The following PSMG2 variants were observed in gnomAD, a reference collection of about 807,000 sequenced individuals.
PSMG2 encodes CD40 ligand-activated specific transcript 3.
PSMG2 carries 21 observed loss-of-function variants against 31.5 expected under a neutral mutation model. That is an observed-to-expected ratio of 0.67 (90% CI 0.47 to 0.96). The LOEUF (loss-of-function observed/expected upper bound fraction) is 0.96. Among genes scored for constraint, PSMG2 ranks in the 40% least tolerant of loss-of-function variants. The probability of loss-of-function intolerance (pLI) is 0.00; values close to 1 mark genes in which losing one functional copy is unlikely to be tolerated. For missense variants in PSMG2, 318 were observed against 321.2 expected (o/e 0.99, Z 0.08); for synonymous variants, 120 against 110.4 (o/e 1.09, Z -0.54).
chr18:12,706,679 ACCAC>A lies in PSMG2; in HGVS notation c.188_191del (p.Thr63LysfsTer10). The A allele has an allele frequency of 6.2e-7, 1 of 1,611,304 alleles. No individual in the cohort carries two copies. Among genetic ancestry groups the A allele is most frequent in the Non-Finnish European group, 8.5e-7 (1 of 1,177,968 alleles). ...AATGGTTGGAAACAATCCATATGCG[ACCAC>A]AGAAGGAAATTCAACAGAACTTAGC... On this transcript the variant is annotated frameshift_variant, in exon 2 of 7. Transcript: ENST00000317615. LOFTEE classifies it high-confidence loss of function.
upstream of PSMG2, chr18:12,702,774 C>CA: frequency 1.7e-6 from 1 of 582,986 alleles, no homozygotes; most frequent in Non-Finnish European, 3.0e-6. Flanking sequence ...GGCGGACAAA[C>CA]AGGGCTTGGG....
upstream of PSMG2, chr18:12,700,884 G>A (rs756870456): frequency 2.0e-5 from 25 of 1,261,318 alleles, no homozygotes; most frequent in African/African-American, 3.0e-5. Context: ...GCCCCACATC[G>A]GAACCTTATA....
At chr18:12,685,571 A>C (rs534985304) in intron 1 of PSMG2, 1 of 152,238 alleles carries the variant, frequency 6.6e-6, no homozygotes, top group South Asian at 2.1e-4. Flanking sequence ...TAGCACCCCA[A>C]AGCGGTTAGT....
intron 1 of PSMG2, among the ~76,000 whole-genome samples, chr18:12,664,460 G>A (rs2038762903): frequency 6.6e-6 from 1 of 151,908 alleles, no homozygotes; most frequent in African/African-American, 2.4e-5. Flanking sequence ...TGAGGCAGGA[G>A]AATTGCTTGA....
intron 1 of PSMG2, chr18:12,678,150 T>C: frequency 6.2e-7 from 1 of 1,613,888 alleles, no homozygotes. Flanking sequence ...TGCATTTCAA[T>C]TTCATTACTT....
chr18:12,710,043 C>T (rs1044936117), intron 2 of PSMG2, among the ~76,000 whole-genome samples: 11 of 151,124 alleles, frequency 7.3e-5, no homozygotes, highest in South Asian at 2.1e-4. Flanking sequence ...CCCGGGTTCA[C>T]GCCATTCTTC....
At chr18:12,672,744 A>AC in intron 1 of PSMG2, 4 of 974,088 alleles carry the variant, frequency 4.1e-6, no homozygotes, top group Non-Finnish European at 4.9e-6. Flanking sequence ...TTTCTAAATG[A>AC]TTCATGTACT....
At chr18:12,665,660 T>C (rs1424889863) in intron 1 of PSMG2, among the ~76,000 whole-genome samples, 1 of 152,190 alleles carries the variant, frequency 6.6e-6, no homozygotes, top group Non-Finnish European at 1.5e-5. Flanking sequence ...TTAACCTAAA[T>C]TTATAAGAGA....
At chr18:12,661,331 T>A in intron 1 of PSMG2, 1 of 982,062 alleles carries the variant, frequency 1.0e-6, no homozygotes, top group Non-Finnish European at 1.2e-6. Flanking sequence ...AAAAAATTGA[T>A]AAGCCTTACC....
At chr18:12,668,004 C>A (rs1173349814) in intron 1 of PSMG2, among the ~76,000 whole-genome samples, 1 of 151,958 alleles carries the variant, frequency 6.6e-6, no homozygotes, top group Admixed American at 6.6e-5. Context: ...GTGGCTCACG[C>A]CTGTAATCCC....
upstream of PSMG2, chr18:12,699,311 C>CT (rs1338117273): frequency 2.7e-6 from 2 of 739,622 alleles, no homozygotes; most frequent in Admixed American, 2.9e-5. Flanking sequence ...ATACCAAAGA[C>CT]TAAAAAAAAA....
intron 1 of PSMG2, chr18:12,684,513 T>C (rs1244901691): frequency 6.6e-6 from 1 of 150,850 alleles, no homozygotes; most frequent in Non-Finnish European, 1.5e-5. Context: ...GGAGTTTTGC[T>C]CTTATTGCCC....
intron 1 of PSMG2, among the ~76,000 whole-genome samples, chr18:12,674,011 G>A: frequency 6.6e-6 from 1 of 152,132 alleles, no homozygotes; most frequent in East Asian, 1.9e-4. Context: ...ACCTGAGACT[G>A]CACCAAAATC....
chr18:12,695,715 T>A (rs2039930728), intron 1 of PSMG2, among the ~76,000 whole-genome samples: 1 of 152,092 alleles, frequency 6.6e-6, no homozygotes, highest in African/African-American at 2.4e-5. Context: ...ACACCTGGCT[T>A]TTCTAACAGG....
chr18:12,697,788 C>T (rs1167626224), intron 1 of PSMG2, among the ~76,000 whole-genome samples: 1 of 152,130 alleles, frequency 6.6e-6, no homozygotes, highest in Non-Finnish European at 1.5e-5. Flanking sequence ...GAAATTATCA[C>T]TGTATAATTG....
chr18:12,678,378 G>C, intron 1 of PSMG2: 1 of 1,614,088 alleles, frequency 6.2e-7, no homozygotes, highest in Non-Finnish European at 8.5e-7. Flanking sequence ...GTTCGATATG[G>C]GTACAGTGGT....
At chr18:12,690,938 A>AG (rs1169898634) in intron 1 of PSMG2, among the ~76,000 whole-genome samples, 3 of 138,510 alleles carry the variant, frequency 2.2e-5, no homozygotes, top group African/African-American at 5.0e-5. Flanking sequence ...ATATGCCCAG[A>AG]GCCCCCCCCC....
intron 1 of PSMG2, among the ~76,000 whole-genome samples, chr18:12,659,442 C>G (rs1320510853): frequency 1.3e-5 from 2 of 152,022 alleles, no homozygotes; most frequent in African/African-American, 4.8e-5. Flanking sequence ...CTGAGGCGGG[C>G]AGATCACTGA....
chr18:12,669,395 A>T (rs1458842235), intron 1 of PSMG2, among the ~76,000 whole-genome samples: 1 of 151,910 alleles, frequency 6.6e-6, no homozygotes, highest in Non-Finnish European at 1.5e-5. Context: ...TACAGGCATG[A>T]GCCACCGCGC....
Sources: gnomAD v4.1 joint callset for allele counts (sites outside exome capture counted in the v4.1 genomes callset) on GRCh38, gnomAD v4.1.1 for gene constraint, MANE v1.5 for transcripts, NCBI Gene and HGNC (gene_info 2026-07-23, HGNC 2026-07-21) for gene names.